SLIT1: variants seen among roughly 807,000 people sequenced by gnomAD.
SLIT1 encodes slit homolog 1 protein.
A neutral mutation model predicts 186.1 loss-of-function variants in SLIT1; 66 were observed. That is an observed-to-expected ratio of 0.35 (90% CI 0.29 to 0.44). The LOEUF (loss-of-function observed/expected upper bound fraction) is 0.44, where lower values mean the gene tolerates loss of function less well. Among genes scored for constraint, SLIT1 ranks in the 20% least tolerant of loss-of-function variants. The probability of loss-of-function intolerance (pLI) is 1.00; values close to 1 mark genes in which losing one functional copy is unlikely to be tolerated. For synonymous variants in SLIT1, 761 were observed against 833.8 expected, an observed-to-expected ratio of 0.91 and a Z score of 1.50; for missense variants, 1,638 against 2,037.4, an observed-to-expected ratio of 0.80 and a Z score of 3.77.
In SLIT1 at chr10:97,063,519, C is replaced by G. The variant is rs752336314; in HGVS notation, c.729G>C (p.Ser243=). The G allele has an allele frequency of 7.4e-6, 12 of 1,613,020 alleles. No homozygotes were observed. The highest frequency in any genetic ancestry group is 1.8e-4 in the Middle Eastern group (1 of 5,504). Residue 243 remains serine (S), a synonymous_variant, in exon 8 of 37, where the codon TCG becomes TCC. Transcript: ENST00000266058. ...TGAGGCCACGCAGGCTGGCTGGGCC[C>G]GAGCACTGGGTGAAGAGCCCGATGG... ...RPTIGLFTQC[S]GPASLRGLNV... is the part of the protein sequence containing the mutation.
chr10:97,044,938 A>G (rs191705508), intron 18 of SLIT1, among the ~76,000 whole-genome samples: 2 of 152,354 alleles, frequency 1.3e-5, no homozygotes, highest in African/African-American at 4.8e-5. Flanking sequence ...TAATGAGGTC[A>G]TAAGGGTGGA....
At chr10:97,108,802 C>T (rs546170810) in intron 4 of SLIT1, among the ~76,000 whole-genome samples, 44 of 143,004 alleles carry the variant, frequency 3.1e-4, no homozygotes, top group African/African-American at 3.8e-4. Flanking sequence ...GCAGAAGAAT[C>T]GCTTGAACCT....
At chr10:97,056,047 A>T (rs765985167) in intron 13 of SLIT1, among the ~76,000 whole-genome samples, 16 of 152,214 alleles carry the variant, frequency 1.1e-4, no homozygotes, top group Non-Finnish European at 1.8e-4. Context: ...ATCCTCCTTA[A>T]TCTCATAACA....
At chr10:97,067,836 G>A (rs529385639) in intron 4 of SLIT1, among the ~76,000 whole-genome samples, 10 of 152,076 alleles carry the variant, frequency 6.6e-5, no homozygotes, top group Non-Finnish European at 1.2e-4. Flanking sequence ...GGCCAGGCCC[G>A]TGGGCTTTGA....
chr10:97,138,578 C>T (rs928800650), intron 4 of SLIT1, among the ~76,000 whole-genome samples: 2 of 152,164 alleles, frequency 1.3e-5, no homozygotes, highest in African/African-American at 4.8e-5. Context: ...ACAAGTTTCC[C>T]GTAAGGATCT....
rs1297967354 is a variant in SLIT1, at chr10:97,006,074, A to T, written c.3579+409T>A. Among the ~76,000 whole-genome samples the T allele has an allele frequency of 6.6e-6, 1 of 152,164 alleles. No individual in the cohort carries two copies. Among genetic ancestry groups the T allele is most frequent in the African/African-American group, 2.4e-5 (1 of 41,440 alleles). ...AGATGGAACTGAAGGCATGAAAAGG[A>T]TGAGTTAAGGGACCCTAGGGACATT... is the stretch of plus-strand genomic sequence containing the variant. On this transcript the variant is annotated intron_variant, in intron 32 of 36. Coordinates refer to ENST00000266058, the MANE Select transcript of SLIT1 (RefSeq NM_003061.3). This position sits in a 1 kb window ranked among gnomAD's most constrained non-coding sequence, Gnocchi z 4.0.
intron 26 of SLIT1, among the ~76,000 whole-genome samples, chr10:97,020,435 C>T (rs1349610550): frequency 1.3e-5 from 2 of 152,246 alleles, no homozygotes; most frequent in African/African-American, 2.4e-5. Flanking sequence ...ACCAATCCCA[C>T]CCCATTAAAT....
chr10:97,000,891 G>C lies in SLIT1; in HGVS notation c.*221C>G. 1.7e-6 allele frequency: 1 copy of C among 583,472 alleles called. No homozygotes were observed. The highest frequency in any genetic ancestry group is 3.1e-6 in the Non-Finnish European group (1 of 327,468). The allele number at this position is 583,472 out of a possible 1,614,324, so 36.1% of individuals were successfully genotyped here. ...TATTTGTGCAAGGCACTTCCGGAGA[G>C]GGCAGCCCGCAGCTCAGGCCTCGCC... On this transcript the variant is annotated 3_prime_UTR_variant, in exon 37 of 37. Coordinates refer to ENST00000266058, the MANE Select transcript of SLIT1 (RefSeq NM_003061.3).
At chr10:97,025,214 G>T (rs1419140216) in intron 25 of SLIT1, among the ~76,000 whole-genome samples, 1 of 152,216 alleles carries the variant, frequency 6.6e-6, no homozygotes, top group Non-Finnish European at 1.5e-5. Flanking sequence ...GGCAGAGGTT[G>T]CAGTGAGCTG....
intron 4 of SLIT1, among the ~76,000 whole-genome samples, chr10:97,108,393 G>C (rs1022399529): frequency 6.6e-6 from 1 of 152,236 alleles, no homozygotes; most frequent in Non-Finnish European, 1.5e-5. Context: ...CCCAGGAAGC[G>C]CTTGGCTCTT....
Position 97,004,823 on chromosome 10 carries a change from C to A in SLIT1, c.3580G>T (p.Val1194Phe). Reference protein sequence around the residue: ...NWPRANITLQVSTAEDNGILL... With the variant: ...NWPRANITLQFSTAEDNGILL... ...ATCCCATTGTCCTCTGCCGTGGAGA[C>A]CTGATGGGCAGTGGCACTTTCTCTC... The change falls in exon 33 of 37, where the codon GTC (valine) becomes TTC (phenylalanine). Residue 1194 changes from valine (V) to phenylalanine (F), a missense_variant and splice_region_variant. Around this residue, in one of 3 missense-constraint regions of SLIT1, gnomAD observed 173 missense variants for 290.9 expected, o/e 0.59. Transcript: ENST00000266058. This position sits in a 1 kb window ranked among gnomAD's most constrained non-coding sequence, Gnocchi z 5.1. 1.2e-6 allele frequency: 2 copies of A among 1,614,124 alleles called. No homozygotes were observed. The highest frequency in any genetic ancestry group is 1.7e-6 in the Non-Finnish European group (2 of 1,180,002).
intron 4 of SLIT1, among the ~76,000 whole-genome samples, chr10:97,095,839 C>T (rs1348517941): frequency 1.3e-5 from 2 of 152,200 alleles, no homozygotes; most frequent in Non-Finnish European, 2.9e-5. Flanking sequence ...GACACAGACG[C>T]TATCATCTCT....
chr10:97,124,316 CA>C (rs1004087135), intron 4 of SLIT1, among the ~76,000 whole-genome samples: 4 of 152,150 alleles, frequency 2.6e-5, no homozygotes, highest in Non-Finnish European at 5.9e-5. Context: ...TTTGGACATT[CA>C]AAAGTGTTCT....
At chr10:97,018,186 G>A (rs974721051) in intron 28 of SLIT1, among the ~76,000 whole-genome samples, 9 of 152,126 alleles carry the variant, frequency 5.9e-5, no homozygotes, top group Non-Finnish European at 1.2e-4. Flanking sequence ...CCCCTGCTGT[G>A]GTCCTTGGCA....
intron 4 of SLIT1, among the ~76,000 whole-genome samples, chr10:97,130,503 G>A (rs937306941): frequency 1.5e-4 from 23 of 152,176 alleles, no homozygotes; most frequent in African/African-American, 2.4e-5. Flanking sequence ...TAAGCCAGTC[G>A]CAAAAGGACA....
chr10:97,006,678 C>T lies in SLIT1; in HGVS notation c.3384G>A (p.Lys1128=). 1 of 1,614,098 alleles carries T rather than the reference C, an allele frequency of 6.2e-7. No individual in the cohort carries two copies. The highest frequency in any genetic ancestry group is 1.1e-5 in the South Asian group (1 of 91,068). Residue 1128 remains lysine (K), a synonymous_variant, in exon 32 of 37, where the codon AAG becomes AAA. Transcript: ENST00000266058. This position sits in a 1 kb window ranked among gnomAD's most constrained non-coding sequence, Gnocchi z 4.0. ...GGCACTCAGTCCCCTCACAGGGGCT[C>T]TTGGGGGCAGGCAGATGGGGAGGGA... is the stretch of plus-strand genomic sequence containing the variant. ...CEIPPHLPAP[K]SPCEGTECQN... is the part of the protein sequence containing the mutation.
intron 4 of SLIT1, among the ~76,000 whole-genome samples, chr10:97,108,870 G>GAGTGA (rs1293849677): frequency 5.4e-5 from 6 of 111,732 alleles, no homozygotes; most frequent in Admixed American, 2.7e-4. Flanking sequence ...CCTGGTGACA[G>GAGTGA]AGTGAGTCTC....
chr10:97,149,915 CATT>C (rs1214072600), intron 4 of SLIT1, among the ~76,000 whole-genome samples: 8 of 152,312 alleles, frequency 5.3e-5, no homozygotes, highest in Middle Eastern at 3.4e-3. Flanking sequence ...GTATGGCGCA[CATT>C]AGCGTGTTAA....
At chr10:97,160,505 C>G (rs974034935) in intron 3 of SLIT1, among the ~76,000 whole-genome samples, 10 of 152,150 alleles carry the variant, frequency 6.6e-5, no homozygotes, top group Non-Finnish European at 1.3e-4. Context: ...TGGAAAATCT[C>G]ACTCCATCTT....
Sources: gnomAD v4.1 joint callset for allele counts (sites outside exome capture counted in the v4.1 genomes callset) on GRCh38, gnomAD v4.1.1 for gene constraint, gnomAD v4.1.1 regional missense constraint, Gnocchi (gnomAD v3.1) non-coding constraint, MANE v1.5 for transcripts, NCBI Gene and HGNC (gene_info 2026-07-23, HGNC 2026-07-21) for gene names.